The following TMEM165 variants were observed in gnomAD, a reference collection of about 807,000 sequenced individuals.
TMEM165 encodes transmembrane protein 165, also known as putative divalent cation/proton antiporter TMEM165.
TMEM165 carries 19 observed loss-of-function variants against 30.0 expected under a neutral mutation model. The observed-to-expected ratio is 0.63, with a 90% CI of 0.44 to 0.93. The LOEUF is 0.93. Among genes scored for constraint, TMEM165 ranks in the 40% least tolerant of loss-of-function variants. TMEM165 has a pLI of 0.00. For synonymous variants in TMEM165, 168 were observed against 162.9 expected (o/e 1.03, Z -0.24); for missense variants, 340 against 417.0 (o/e 0.82, Z 1.61).
chr4:55,438,610 A>G (rs1206880718), intron 3 of TMEM165: 1 of 1,605,922 alleles, frequency 6.2e-7, no homozygotes, highest in Non-Finnish European at 8.5e-7. Context: ...AGTGGAGTAA[A>G]TACTTACCTA....
chr4:55,439,691 T>C (rs983633050), intron 3 of TMEM165, among the ~76,000 whole-genome samples: 1 of 152,158 alleles, frequency 6.6e-6, no homozygotes, highest in Non-Finnish European at 1.5e-5. Context: ...GGAAAGAAAT[T>C]CTGACAATTG....
At position 55,448,594 on chromosome 4, in the gene TMEM165, ACG is replaced by A. The variant is rs1553891178; in HGVS notation, c.409-3638_409-3637del. Among the ~76,000 whole-genome samples, 97 of 81,394 alleles carry A rather than the reference ACG, an allele frequency of 1.2e-3. 1 individual carries two copies. Among genetic ancestry groups the A allele is most frequent in the African/African-American group, 4.1e-3 (91 of 22,346 alleles). 53.4% of individuals were successfully genotyped at this position (81,394 alleles called of 152,430 possible). A position where few individuals can be genotyped will look rare whatever the true frequency, so the allele number is the denominator to read the frequency against. On this transcript the variant is annotated intron_variant, in intron 3 of 3. Transcript: ENST00000608091. ...TATAATTATATATGTGCGCGCGCGC[ACG>A]CGCGCGTGTGTGTGTGTGTGTGTGT...
chr4:55,450,293 C>T, intron 3 of TMEM165: 1 of 1,597,508 alleles, frequency 6.3e-7, no homozygotes, highest in Non-Finnish European at 8.6e-7. Context: ...CTCAAATTCA[C>T]AATACTGTTA....
chr4:55,427,104 G>C (rs1474179940), downstream of TMEM165, among the ~76,000 whole-genome samples: 1 of 149,828 alleles, frequency 6.7e-6, no homozygotes, highest in East Asian at 2.0e-4. Flanking sequence ...TGTGATCTTG[G>C]CTCACTGCAA....
chr4:55,413,748 C>T (rs1030398357), intron 2 of TMEM165, among the ~76,000 whole-genome samples: 2 of 152,090 alleles, frequency 1.3e-5, no homozygotes, highest in Admixed American at 6.5e-5. Context: ...ACATTTTATC[C>T]CATTTGTTTT....
intron 3 of TMEM165, among the ~76,000 whole-genome samples, chr4:55,436,725 G>C (rs1253704761): frequency 1.3e-5 from 2 of 152,086 alleles, no homozygotes; most frequent in African/African-American, 2.4e-5. Flanking sequence ...GTAAGGCAAA[G>C]ACTTGATACT....
chr4:55,442,514 T>C (rs1435930209), intron 3 of TMEM165: 1 of 1,609,414 alleles, frequency 6.2e-7, no homozygotes, highest in Non-Finnish European at 8.5e-7. Context: ...ATCTGGACCA[T>C]GCTTCCGGCT....
intron 3 of TMEM165, among the ~76,000 whole-genome samples, chr4:55,436,602 C>A (rs972509979): frequency 1.3e-5 from 2 of 152,158 alleles, no homozygotes; most frequent in African/African-American, 2.4e-5. Context: ...ATGAAAGAAA[C>A]ATGCACAAAC....
At chr4:55,399,099 G>C (rs1305092222) in intron 1 of TMEM165, 1 of 151,940 alleles carries the variant, frequency 6.6e-6, no homozygotes, top group Non-Finnish European at 1.5e-5. Context: ...TTTTTAAAAA[G>C]AGAAAAAGAG....
chr4:55,413,299 T>G (rs1272831582), intron 2 of TMEM165, among the ~76,000 whole-genome samples: 1 of 151,930 alleles, frequency 6.6e-6, no homozygotes. Context: ...ATTTATTTTT[T>G]AAATTTTTAT....
chr4:55,418,811 C>G (rs929081243), intron 4 of TMEM165, among the ~76,000 whole-genome samples: 6 of 152,080 alleles, frequency 3.9e-5, no homozygotes, highest in African/African-American at 1.4e-4. Context: ...CTTTAGGAGG[C>G]CAAGGTGGGC....
rs541439144 is a variant in TMEM165 at position 55,412,983 on chromosome 4, A to T, written c.433+1144A>T. Among the ~76,000 whole-genome samples, 1,174 of 151,634 alleles carry T rather than the reference A, an allele frequency of 7.7e-3. 19 individuals carry two copies. Among genetic ancestry groups the T allele is most frequent in the African/African-American group, 0.027 (1,118 of 41,292 alleles). ...AGGGCTATTTTTTATTTATTTATTT[A>T]TTTATTTTTTTTTAGAGACTGAGTC... On this transcript the variant is annotated intron_variant, in intron 2 of 5. Coordinates refer to ENST00000381334, the MANE Select transcript of TMEM165 (RefSeq NM_018475.5).
intron 3 of TMEM165, chr4:55,443,756 C>CATTCCACTT (rs768516322): frequency 1.9e-6 from 3 of 1,613,926 alleles, no homozygotes. Context: ...GTCCAGTATT[C>CATTCCACTT]ATTCCACTTT....
At chr4:55,444,011 T>G (rs1723586096) in intron 3 of TMEM165, 6 of 821,426 alleles carry the variant, frequency 7.3e-6, no homozygotes, top group Non-Finnish European at 5.8e-6. Context: ...GTAACAAGGC[T>G]AAGTCACTTT....
At chr4:55,419,741 C>A (rs1026359614) in intron 4 of TMEM165, among the ~76,000 whole-genome samples, 3 of 151,594 alleles carry the variant, frequency 2.0e-5, no homozygotes, top group Non-Finnish European at 4.4e-5. Flanking sequence ...GTTTCTAATT[C>A]CTTGGAACTA....
At chr4:55,401,881 C>T (rs1279934689) in intron 1 of TMEM165, among the ~76,000 whole-genome samples, 1 of 150,080 alleles carries the variant, frequency 6.7e-6, no homozygotes, top group East Asian at 1.9e-4. Flanking sequence ...CTTTGGGAGG[C>T]CGAGGTGGGT....
intron 3 of TMEM165, chr4:55,432,618 T>TG (rs1722595665): frequency 8.7e-6 from 1 of 114,842 alleles, no homozygotes; most frequent in Non-Finnish European, 1.7e-5. Flanking sequence ...TCAAGTTTCA[T>TG]GGGGCAGGGT....
chr4:55,421,424 C>T (rs1721971432), intron 4 of TMEM165, among the ~76,000 whole-genome samples: 1 of 150,264 alleles, frequency 6.7e-6, no homozygotes, highest in African/African-American at 2.4e-5. Context: ...CCTCAGCCTT[C>T]TGAGTCTGGG....
rs1723470044 is a variant in TMEM165, at chr4:55,442,696, C to T, written c.409-9543C>T. On this transcript the variant is annotated intron_variant, in intron 3 of 3. Coordinates refer to the TMEM165 transcript ENST00000608091. ...TGAAAATAATTATTTGGGAAGTATG[C>T]TAGAATTCATCATTCTAACAATATG... The T allele has an allele frequency of 3.0e-6, 4 of 1,355,540 alleles. No homozygotes were observed. In the South Asian group the frequency reaches 4.9e-5, roughly 16 times the overall value. 84.0% of individuals were successfully genotyped at this position (1,355,540 alleles called of 1,614,324 possible).
Sources: gnomAD v4.1 joint callset for allele counts (sites outside exome capture counted in the v4.1 genomes callset) on GRCh38, gnomAD v4.1.1 for gene constraint, MANE v1.5 for transcripts, NCBI Gene and HGNC (gene_info 2026-07-23, HGNC 2026-07-21) for gene names.